GLB1: variants seen among roughly 807,000 people sequenced by gnomAD.
GLB1 encodes galactosidase beta 1, also known as beta-galactosidase.
In GLB1, 56 loss-of-function variants were observed where a neutral mutation model predicts 74.0. That is an observed-to-expected ratio of 0.76 (90% CI 0.61 to 0.94). GLB1 has a LOEUF of 0.94. Ranked by LOEUF, GLB1 falls within the 40% of genes least tolerant of loss-of-function variation. The probability of loss-of-function intolerance (pLI) is 0.00; values close to 1 mark genes in which losing one functional copy is unlikely to be tolerated. For missense variants in GLB1, 787 were observed against 845.5 expected (o/e 0.93, Z 0.86); for synonymous variants, 323 against 323.6 (o/e 1.00, Z 0.02).
intron 15 of GLB1, among the ~76,000 whole-genome samples, chr3:32,998,617 A>T (rs542621196): frequency 6.6e-6 from 1 of 152,246 alleles, no homozygotes; most frequent in Admixed American, 6.5e-5. Context: ...AGATGGGGAG[A>T]TCACATACAC....
chr3:33,046,235 A>T lies in GLB1; in HGVS notation c.956-3T>A. The T allele has an allele frequency of 6.2e-7, 1 of 1,613,940 alleles. No homozygotes were observed. Among genetic ancestry groups the T allele is most frequent in the Non-Finnish European group, 8.5e-7 (1 of 1,179,928 alleles). On this transcript the variant is annotated splice_polypyrimidine_tract_variant and splice_region_variant and intron_variant, in intron 9 of 15. Transcript: ENST00000307363. ...TGCTGCATAGGGTGAGTTGGCCCCT[A>T]GAAGACAAAAATGTGCCACTAGTTA...
chr3:32,970,816 A>G, the GLB1 span, among the ~76,000 whole-genome samples: 3 of 152,278 alleles, frequency 2.0e-5, no homozygotes, highest in African/African-American at 7.2e-5. Flanking sequence ...ACCACACTGG[A>G]AGCTAAGCTC....
At chr3:33,057,332 T>C (rs1463456147) in intron 6 of GLB1, among the ~76,000 whole-genome samples, 1 of 152,244 alleles carries the variant, frequency 6.6e-6, no homozygotes, top group Non-Finnish European at 1.5e-5. Flanking sequence ...ACCTCTTTTC[T>C]TTGTAAATTA....
intron 1 of GLB1, among the ~76,000 whole-genome samples, chr3:33,082,955 T>C (rs1700375219): frequency 6.6e-6 from 1 of 152,200 alleles, no homozygotes; most frequent in Admixed American, 6.5e-5. Flanking sequence ...CAGTTCATCA[T>C]TGTTGACTGT....
intron 1 of GLB1, among the ~76,000 whole-genome samples, chr3:33,085,138 G>C: frequency 6.6e-6 from 1 of 152,084 alleles, no homozygotes. Flanking sequence ...GCTGGGTATG[G>C]TGGCACATGC....
At chr3:33,002,857 A>G (rs951347003) in intron 15 of GLB1, among the ~76,000 whole-genome samples, 1 of 152,226 alleles carries the variant, frequency 6.6e-6, no homozygotes, top group Non-Finnish European at 1.5e-5. Context: ...TGGGAAAGAC[A>G]AAGGTCCAGT....
At chr3:33,091,185 G>A (rs1295450196) in intron 1 of GLB1, 1 of 985,238 alleles carries the variant, frequency 1.0e-6, no homozygotes, top group African/African-American at 1.7e-5. Flanking sequence ...AGTGAAGAGA[G>A]AAAAAAGAAT....
intron 11 of GLB1, among the ~76,000 whole-genome samples, chr3:33,023,691 T>C (rs1036964083): frequency 6.6e-6 from 1 of 152,204 alleles, no homozygotes; most frequent in Non-Finnish European, 1.5e-5. Flanking sequence ...AAACCTCTCT[T>C]CTTTTTCGCT....
At chr3:33,034,311 C>T (rs1190183494) in intron 10 of GLB1, 3 of 741,904 alleles carry the variant, frequency 4.0e-6, no homozygotes, top group African/African-American at 3.4e-5. Context: ...AACGCTTACA[C>T]CATTGGCTGC....
At chr3:33,026,949 G>A (rs1020253603) in intron 10 of GLB1, among the ~76,000 whole-genome samples, 1 of 152,194 alleles carries the variant, frequency 6.6e-6, no homozygotes. Context: ...CATTCTTCCT[G>A]GATGTAGGAC....
At chr3:33,061,434 C>T (rs544631212) in intron 5 of GLB1, among the ~76,000 whole-genome samples, 3 of 152,078 alleles carry the variant, frequency 2.0e-5, no homozygotes, top group Admixed American at 6.6e-5. Context: ...CAAAAAACCA[C>T]CAGAGAGTAA....
intron 1 of GLB1, 162 bp downstream of exon 1, chr3:33,096,849 C>A (rs905070069): frequency 1.5e-5 from 21 of 1,390,586 alleles, no homozygotes; most frequent in Non-Finnish European, 1.8e-5. Context: ...ACGGGAAGGC[C>A]GGTCCACTGC....
chr3:33,021,542 G>A (rs368806698), intron 12 of GLB1, 24 bp downstream of exon 12: 20 of 1,610,288 alleles, frequency 1.2e-5, no homozygotes, highest in East Asian at 6.7e-5. Context: ...GAAAAAAGGC[G>A]AGGCATTACC....
chr3:33,058,524 T>G (rs1699314579), intron 5 of GLB1, among the ~76,000 whole-genome samples: 1 of 152,094 alleles, frequency 6.6e-6, no homozygotes. Context: ...AAACTGGTGT[T>G]CAGATTGTAG....
At chr3:33,049,652 G>A (rs1414164221) in intron 9 of GLB1, among the ~76,000 whole-genome samples, 2 of 152,000 alleles carry the variant, frequency 1.3e-5, no homozygotes, top group East Asian at 1.9e-4. Flanking sequence ...TCCTGACCTC[G>A]TGATCCACGC....
the GLB1 span, among the ~76,000 whole-genome samples, chr3:32,991,478 T>C: frequency 1.3e-5 from 2 of 152,218 alleles, no homozygotes; most frequent in Non-Finnish European, 2.9e-5. Context: ...ATTTCTCCCA[T>C]CCAAGGATGG....
rs1293424726 is a variant in GLB1 at position 33,024,266 on chromosome 3, C to G, written c.1128G>C (p.Lys376Asn). 1.2e-6 allele frequency: 2 copies of G among 1,612,934 alleles called. No homozygotes were observed. Among genetic ancestry groups the G allele is most frequent in the Non-Finnish European group, 1.7e-6 (2 of 1,179,886 alleles). Residue 376 changes from lysine (K) to asparagine (N), a missense_variant, in exon 11 of 16, where the codon AAG becomes AAC. By Grantham distance (94) the Lys-to-Asn change is moderately conservative. Coordinates refer to ENST00000307363, the MANE Select transcript of GLB1 (RefSeq NM_000404.4). ...TTTTTCTTACCTTTTCCAAAGTGACCTTTCCATATGCAAACTTTGGTGTAG... is the reference window on the plus strand; with the variant it reads ...TTTTTCTTACCTTTTCCAAAGTGACGTTTCCATATGCAAACTTTGGTGTAG... Reference protein sequence around the residue: ...PPSTPKFAYGKVTLEKLKTVG... With the variant: ...PPSTPKFAYGNVTLEKLKTVG...
intron 3 of GLB1, 99 bp downstream of exon 3, chr3:33,068,721 T>G: frequency 1.9e-6 from 3 of 1,602,712 alleles, no homozygotes; most frequent in Non-Finnish European, 2.6e-6. Context: ...CCAGGCCCCA[T>G]GCTCTCTGGA....
chr3:33,026,143 C>A (rs867025686), intron 10 of GLB1, among the ~76,000 whole-genome samples: 4 of 114,028 alleles, frequency 3.5e-5, no homozygotes, highest in African/African-American at 1.1e-4. Flanking sequence ...CAGCTGCAGA[C>A]GGAAACATCT....
Sources: allele counts gnomAD v4.1 joint callset (sites outside exome capture counted in the v4.1 genomes callset), GRCh38; gene constraint gnomAD v4.1.1; transcripts MANE v1.5; gene names NCBI Gene and HGNC (gene_info 2026-07-23, HGNC 2026-07-21).